ERBB4: variants seen among roughly 807,000 people sequenced by gnomAD.
The protein encoded by ERBB4 is erb-b2 receptor tyrosine kinase 4.
A neutral mutation model predicts 158.0 loss-of-function variants in ERBB4; 42 were observed. The ratio of observed to expected loss-of-function variants is 0.27; its 90% confidence interval spans 0.21 to 0.34. The LOEUF is 0.34. Among genes scored for constraint, ERBB4 ranks in the 10% least tolerant of loss-of-function variants. ERBB4 has a pLI of 1.00. For synonymous variants in ERBB4, 583 were observed against 558.7 expected, an observed-to-expected ratio of 1.04 and a Z score of -0.61; for missense variants, 1,333 against 1,624.1, an observed-to-expected ratio of 0.82 and a Z score of 3.08.
At chr2:211,863,226 G>T (rs773329774) in intron 3 of ERBB4, among the ~76,000 whole-genome samples, 1 of 150,020 alleles carries the variant, frequency 6.7e-6, no homozygotes, top group Non-Finnish European at 1.5e-5. Flanking sequence ...CTAGCTAAAG[G>T]TTTGTAAATG....
intron 3 of ERBB4, among the ~76,000 whole-genome samples, chr2:211,802,489 C>T (rs2076523167): frequency 6.6e-6 from 1 of 152,172 alleles, no homozygotes; most frequent in African/African-American, 2.4e-5. Context: ...TAGCTGGCAA[C>T]AAACATCTTG....
At chr2:212,300,161 G>A (rs1241361758) in intron 1 of ERBB4, among the ~76,000 whole-genome samples, 1 of 151,536 alleles carries the variant, frequency 6.6e-6, no homozygotes, top group Non-Finnish European at 1.5e-5. Flanking sequence ...CATTACTTTT[G>A]TGGTGTTTGC....
chr2:212,207,547 T>C (rs2082800596), intron 1 of ERBB4, among the ~76,000 whole-genome samples: 1 of 152,196 alleles, frequency 6.6e-6, no homozygotes, highest in Non-Finnish European at 1.5e-5. Context: ...AAGTTAATGT[T>C]ATTCAATCTT....
intron 16 of ERBB4, among the ~76,000 whole-genome samples, chr2:211,647,730 T>C (rs960198063): frequency 1.3e-5 from 2 of 151,894 alleles, no homozygotes; most frequent in Admixed American, 1.3e-4. Flanking sequence ...TGATTACTTA[T>C]TCCAATAGTT....
chr2:211,988,686 G>A (rs2081997403), intron 2 of ERBB4, among the ~76,000 whole-genome samples: 1 of 151,928 alleles, frequency 6.6e-6, no homozygotes. Context: ...ATCTACCCAA[G>A]CAAAAGACTA....
intron 3 of ERBB4, among the ~76,000 whole-genome samples, chr2:211,833,737 T>G (rs1366947074): frequency 6.6e-6 from 1 of 151,956 alleles, no homozygotes; most frequent in Non-Finnish European, 1.5e-5. Context: ...GAAGCAGCAT[T>G]CTTGGCTAAC....
At chr2:211,940,479 T>C (rs374272769) in intron 3 of ERBB4, among the ~76,000 whole-genome samples, 2 of 152,236 alleles carry the variant, frequency 1.3e-5, no homozygotes, top group East Asian at 3.9e-4. Flanking sequence ...CAGATTTTAC[T>C]GTATCTTAAG....
intron 1 of ERBB4, among the ~76,000 whole-genome samples, chr2:212,358,228 A>T (rs532728314): frequency 2.6e-5 from 4 of 152,014 alleles, no homozygotes; most frequent in Non-Finnish European, 5.9e-5. Context: ...ACCTGTGCTG[A>T]TAATATCAGA....
intron 1 of ERBB4, among the ~76,000 whole-genome samples, chr2:212,185,391 G>A (rs985381745): frequency 1.3e-5 from 2 of 151,764 alleles, no homozygotes; most frequent in Non-Finnish European, 2.9e-5. Context: ...AGGCTCATCT[G>A]CTTGGAATCA....
chr2:211,407,952 T>C lies in ERBB4; in HGVS notation c.3135+12489A>G, dbSNP rs144132192. On this transcript the variant is annotated intron_variant, in intron 25 of 27. Transcript: ENST00000342788. ...TGTTTCATGGAGTAATCAAAGGATA[T>C]TCTGAGCCTCTCAAAATGCCATCAG... Among the ~76,000 whole-genome samples, 4 of 152,312 alleles carry C rather than the reference T, an allele frequency of 2.6e-5. No homozygotes were observed. In the East Asian group the frequency reaches 7.7e-4, roughly 29 times the overall value.
intron 2 of ERBB4, among the ~76,000 whole-genome samples, chr2:212,021,152 T>C (rs959538820): frequency 6.6e-6 from 1 of 152,184 alleles, no homozygotes; most frequent in African/African-American, 2.4e-5. Flanking sequence ...TCTTACCTTT[T>C]TGATCCAGAC....
intron 15 of ERBB4, among the ~76,000 whole-genome samples, chr2:211,664,870 A>G (rs1258128259): frequency 6.6e-6 from 1 of 152,164 alleles, no homozygotes; most frequent in Non-Finnish European, 1.5e-5. Flanking sequence ...TATTTTTTGA[A>G]GGAGTAATTT....
chr2:211,572,419 C>A (rs763984616), intron 19 of ERBB4, among the ~76,000 whole-genome samples: 4 of 152,032 alleles, frequency 2.6e-5, no homozygotes, highest in Non-Finnish European at 4.4e-5. Context: ...CATTTTCTAC[C>A]AATACTCACC....
intron 3 of ERBB4, among the ~76,000 whole-genome samples, chr2:211,870,648 T>A (rs1297413211): frequency 2.0e-5 from 3 of 152,160 alleles, no homozygotes; most frequent in African/African-American, 7.2e-5. Flanking sequence ...ATAGTGCATG[T>A]GAAGCACACA....
intron 20 of ERBB4, among the ~76,000 whole-genome samples, chr2:211,560,101 AG>A (rs2067343914): frequency 6.6e-6 from 1 of 152,204 alleles, no homozygotes; most frequent in Admixed American, 6.5e-5. Flanking sequence ...AAAGGCAAAA[AG>A]GTATAAAACT....
chr2:211,832,682 G>T (rs2077249802), intron 3 of ERBB4, among the ~76,000 whole-genome samples: 1 of 150,886 alleles, frequency 6.6e-6, no homozygotes, highest in Admixed American at 6.6e-5. Context: ...TTAGATTCTA[G>T]TGATGGCAAT....
chr2:212,315,274 T>C (rs16848330), intron 1 of ERBB4, among the ~76,000 whole-genome samples: 3,148 of 151,424 alleles, frequency 0.021, 114 homozygotes, highest in African/African-American at 0.072. Flanking sequence ...TCATTTTGAG[T>C]ATCCGGGCTA....
chr2:212,217,840 C>A (rs116657860), intron 1 of ERBB4, among the ~76,000 whole-genome samples: 4 of 150,798 alleles, frequency 2.7e-5, no homozygotes, highest in Admixed American at 6.6e-5. Context: ...TTGTGATGAC[C>A]GAACAAGATA....
chr2:211,685,288 T>G (rs2072518040), intron 12 of ERBB4, among the ~76,000 whole-genome samples: 1 of 152,224 alleles, frequency 6.6e-6, no homozygotes. Flanking sequence ...TGACCTGTTT[T>G]GAAAGTTAAT....
Sources: gnomAD v4.1 joint callset for allele counts (sites outside exome capture counted in the v4.1 genomes callset) on GRCh38, gnomAD v4.1.1 for gene constraint, MANE v1.5 for transcripts, NCBI Gene and HGNC (gene_info 2026-07-23, HGNC 2026-07-21) for gene names.